OPHN1: variants seen among roughly 807,000 people sequenced by gnomAD.
OPHN1 encodes the protein oligophrenin-1.
OPHN1 carries 11 observed loss-of-function variants against 60.7 expected under a neutral mutation model. The ratio of observed to expected loss-of-function variants is 0.18; its 90% CI spans 0.11 to 0.30. The LOEUF is 0.30. Ranked by LOEUF, OPHN1 falls within the 10% of genes least tolerant of loss-of-function variation. OPHN1 has a pLI of 1.00. For synonymous variants in OPHN1, 226 were observed against 222.6 expected (o/e 1.02, Z -0.14); for missense variants, 449 against 611.0 (o/e 0.73, Z 2.80).
At chrX:68,421,956 C>A (rs1184606132) in intron 2 of OPHN1, among the ~76,000 whole-genome samples, 2 of 111,221 alleles carry the variant, frequency 1.8e-5, no homozygotes, top group African/African-American at 6.5e-5. Flanking sequence ...TTGGGAACTG[C>A]TCAACCAGCT....
At chrX:68,230,692 C>A (rs964892860) in intron 6 of OPHN1, among the ~76,000 whole-genome samples, 3 of 99,502 alleles carry the variant, frequency 3.0e-5, no homozygotes, top group South Asian at 5.0e-4. Context: ...CATGTTTTCA[C>A]TCATAGGTGG....
chrX:68,278,611 C>A (rs779833046), intron 4 of OPHN1, among the ~76,000 whole-genome samples: 1 of 113,555 alleles, frequency 8.8e-6, no homozygotes, highest in African/African-American at 3.2e-5. Context: ...CTGGGCCAGG[C>A]GCAGTGGCTT....
chrX:68,216,924 G>A (rs1256853904), intron 6 of OPHN1, among the ~76,000 whole-genome samples: 1 of 112,158 alleles, frequency 8.9e-6, no homozygotes, highest in African/African-American at 3.2e-5. Context: ...TTGGGGAGGA[G>A]CCAAGATGGC....
chrX:68,378,269 G>A (rs1463741648), intron 2 of OPHN1, among the ~76,000 whole-genome samples: 5 of 111,874 alleles, frequency 4.5e-5, no homozygotes, highest in East Asian at 2.8e-4. Context: ...CCCACTTTTC[G>A]ATGGGGTTGT....
intron 15 of OPHN1, among the ~76,000 whole-genome samples, chrX:68,120,667 C>G: frequency 8.9e-6 from 1 of 111,750 alleles, no homozygotes; most frequent in Non-Finnish European, 1.9e-5. Context: ...TGACAAAAGA[C>G]CCTGAATAGT....
chrX:68,156,861 C>T (rs2077311784), intron 15 of OPHN1, among the ~76,000 whole-genome samples: 1 of 111,206 alleles, frequency 9.0e-6, no homozygotes, highest in Non-Finnish European at 1.9e-5. Flanking sequence ...GTAGACAAAT[C>T]CCGATAATTG....
chrX:68,377,806 A>G (rs1941207341), intron 2 of OPHN1, among the ~76,000 whole-genome samples: 1 of 111,913 alleles, frequency 8.9e-6, no homozygotes, highest in African/African-American at 3.2e-5. Context: ...TATATGTGCC[A>G]CATTTCCTTA....
intron 12 of OPHN1, among the ~76,000 whole-genome samples, chrX:68,195,006 G>GA (rs1569239660): frequency 0.036 from 1,607 of 45,250 alleles, 71 homozygotes; most frequent in African/African-American, 0.16. Flanking sequence ...GAGAAAGAAA[G>GA]GAAGGAAGGA....
chrX:68,430,269 T>C (rs767242531), intron 2 of OPHN1, among the ~76,000 whole-genome samples: 84 of 111,766 alleles, frequency 7.5e-4, no homozygotes, highest in Non-Finnish European at 1.3e-3. Context: ...GTCAAGACAG[T>C]AGGAAACATC....
intron 5 of OPHN1, among the ~76,000 whole-genome samples, chrX:68,272,715 A>T (rs2077975385): frequency 8.9e-6 from 1 of 111,864 alleles, no homozygotes; most frequent in South Asian, 3.7e-4. Flanking sequence ...AACCATGAAA[A>T]CATGTAATGA....
chrX:68,242,663 A>T (rs1174189260), intron 5 of OPHN1, among the ~76,000 whole-genome samples: 1 of 111,133 alleles, frequency 9.0e-6, no homozygotes, highest in African/African-American at 3.3e-5. Context: ...GGTGGAAAAA[A>T]CCCAAATGTC....
intron 19 of OPHN1, among the ~76,000 whole-genome samples, chrX:68,076,361 C>A (rs968431457): frequency 9.2e-6 from 1 of 109,203 alleles, no homozygotes; most frequent in African/African-American, 3.3e-5. Context: ...ACTTTCACTG[C>A]TGATGGGAAT....
At chrX:68,206,442 G>C in intron 10 of OPHN1, 131 bp downstream of exon 10, 1 of 532,945 alleles carries the variant, frequency 1.9e-6, no homozygotes, top group Non-Finnish European at 3.3e-6. Flanking sequence ...TTAGGCCAAG[G>C]TGTACATATA....
At chrX:68,090,268 G>A (rs943654248) in intron 19 of OPHN1, among the ~76,000 whole-genome samples, 8 of 110,101 alleles carry the variant, frequency 7.3e-5, no homozygotes, top group Non-Finnish European at 1.9e-5. Flanking sequence ...GTGTGTGTGT[G>A]TGTGTGTAGG....
intron 5 of OPHN1, among the ~76,000 whole-genome samples, chrX:68,235,702 A>G (rs2077749815): frequency 9.2e-6 from 1 of 108,673 alleles, no homozygotes; most frequent in African/African-American, 3.3e-5. Context: ...AAAAAAGAGA[A>G]AAAAAATTAG....
At chrX:68,251,586 T>TA (rs1479662266) in intron 5 of OPHN1, among the ~76,000 whole-genome samples, 1 of 111,892 alleles carries the variant, frequency 8.9e-6, no homozygotes, top group African/African-American at 3.3e-5. Flanking sequence ...TGTTTGAACA[T>TA]AGACTAATCA....
At chrX:68,261,178 C>T (rs2077891502) in intron 5 of OPHN1, among the ~76,000 whole-genome samples, 1 of 111,319 alleles carries the variant, frequency 9.0e-6, no homozygotes, top group African/African-American at 3.3e-5. Flanking sequence ...GACAATTTGG[C>T]CCTGGTCCCA....
chrX:68,073,364 C>T, intron 19 of OPHN1, 65 bp from the exon 20 acceptor site: 1 of 1,010,889 alleles, frequency 9.9e-7, no homozygotes, highest in Non-Finnish European at 1.4e-6. Context: ...CTGAATGCTA[C>T]CCACCAGTTG....
intron 2 of OPHN1, among the ~76,000 whole-genome samples, chrX:68,367,328 T>C (rs1342220369): frequency 5.5e-4 from 53 of 96,859 alleles, no homozygotes; most frequent in Non-Finnish European, 1.0e-3. Flanking sequence ...CACTCCAGCC[T>C]GGGCAACAGA....
Sources: allele counts gnomAD v4.1 joint callset (sites outside exome capture counted in the v4.1 genomes callset), GRCh38; gene constraint gnomAD v4.1.1; transcripts MANE v1.5; gene names NCBI Gene and HGNC (gene_info 2026-07-23, HGNC 2026-07-21).